Variants in XPC observed in about 807,000 individuals in gnomAD.
XPC encodes the protein XPC complex subunit, DNA damage recognition and repair factor.
A neutral mutation model predicts 95.8 loss-of-function variants in XPC; 76 were observed. The observed-to-expected ratio is 0.79, with a 90% CI of 0.66 to 0.96. XPC has a LOEUF of 0.96. Ranked by LOEUF, XPC falls within the 40% of genes least tolerant of loss-of-function variation. XPC has a pLI of 0.00. For missense variants in XPC, 1,146 were observed against 1,179.8 expected (o/e 0.97, Z 0.42); for synonymous variants, 442 against 442.1 (o/e 1.00, Z 0.00).
Position 14,150,674 on chromosome 3 carries a change from C to T in XPC, c.2115+1661G>A, listed in dbSNP as rs188444381. ...GGGAAGAGACAGAGCTACGACTCAGCGTGATGAGTACAGGGTGGAACAGGA... is the reference window on the plus strand; with the variant it reads ...GGGAAGAGACAGAGCTACGACTCAGTGTGATGAGTACAGGGTGGAACAGGA... On this transcript the variant is annotated intron_variant, in intron 11 of 15. Coordinates refer to ENST00000285021, the MANE Select transcript of XPC (RefSeq NM_004628.5). Among the ~76,000 whole-genome samples, 37 of 152,296 alleles carry T rather than the reference C, an allele frequency of 2.4e-4. 1 individual carries two copies. In the East Asian group the frequency reaches 6.0e-3, roughly 25 times the overall value.
intron 2 of XPC, among the ~76,000 whole-genome samples, chr3:14,172,154 A>G (rs1269883519): frequency 2.0e-5 from 3 of 152,194 alleles, no homozygotes; most frequent in African/African-American, 7.2e-5. Flanking sequence ...TTCATTGCAA[A>G]AATACTTGTT....
At chr3:14,171,329 T>TA (rs1456992082) in intron 2 of XPC, among the ~76,000 whole-genome samples, 1 of 152,220 alleles carries the variant, frequency 6.6e-6, no homozygotes, top group African/African-American at 2.4e-5. Flanking sequence ...ACTCTTTTTT[T>TA]AGAGTACCAC....
At chr3:14,154,530 A>AT (rs1392990982) in intron 10 of XPC, among the ~76,000 whole-genome samples, 1 of 152,220 alleles carries the variant, frequency 6.6e-6, no homozygotes, top group Middle Eastern at 3.2e-3. Flanking sequence ...TGCTAAGTGA[A>AT]ATAAGCCAGT....
intron 1 of XPC, among the ~76,000 whole-genome samples, chr3:14,177,672 A>C (rs921263732): frequency 3.3e-5 from 5 of 149,534 alleles, no homozygotes; most frequent in Non-Finnish European, 7.4e-5. Flanking sequence ...GCAATGGAAA[A>C]CCAAGGGGAG....
intron 5 of XPC, among the ~76,000 whole-genome samples, chr3:14,166,774 T>C (rs1696396857): frequency 6.6e-6 from 1 of 152,218 alleles, no homozygotes; most frequent in Admixed American, 6.5e-5. Flanking sequence ...AAATAAGCTT[T>C]ATCCAAGTCT....
intron 4 of XPC, 38 bp from the exon 5 acceptor site, chr3:14,167,291 G>A (rs760001837): frequency 5.7e-6 from 9 of 1,567,004 alleles, no homozygotes; most frequent in Non-Finnish European, 7.8e-6. Context: ...ATGAAGGGGG[G>A]AACTGAAACC....
rs376237400 is a variant in XPC at position 14,148,751 on chromosome 3, C to G, written c.2251-20G>C. The stretch of plus-strand genomic sequence containing the variant: ...GGGCACCTGTGTCGGGTGAGCAAGT[C>G]AGCATTTGGCCAGCAGGGGAACAAG... On this transcript the variant is annotated intron_variant, in intron 12 of 15. Transcript: ENST00000285021. 31 of 1,613,718 alleles carry G rather than the reference C, an allele frequency of 1.9e-5. No individual in the cohort carries two copies. The highest frequency in any genetic ancestry group is 2.6e-5 in the Non-Finnish European group (31 of 1,179,778).
Position 14,145,788 on chromosome 3 carries a change from G to A in XPC, c.*153C>T, listed in dbSNP as rs781292665. The A allele has an allele frequency of 9.3e-5, 88 of 946,642 alleles. No individual in the cohort carries two copies. The highest frequency in any genetic ancestry group is 2.6e-4 in the South Asian group (19 of 71,958). The allele number at this position is 946,642 out of a possible 1,614,324, so 58.6% of individuals were successfully genotyped here. A position where few individuals can be genotyped will look rare whatever the true frequency, so the allele number is the denominator to read the frequency against. On this transcript the variant is annotated 3_prime_UTR_variant, in exon 16 of 16. Transcript: ENST00000285021. ...TGCAGCACCTCCTCAGCTTGGCCTC[G>A]TCTCCCCTGACCCCGCCTCCGTGCA... is the stretch of plus-strand genomic sequence containing the variant.
chr3:14,151,082 G>A (rs1187054670), intron 11 of XPC, among the ~76,000 whole-genome samples: 2 of 152,080 alleles, frequency 1.3e-5, no homozygotes, highest in African/African-American at 2.4e-5. Flanking sequence ...CTGGGGTGGT[G>A]GGGATCAGAA....
chr3:14,152,463 A>G, intron 10 of XPC, 47 bp from the exon 11 acceptor site: 1 of 1,556,170 alleles, frequency 6.4e-7, no homozygotes, highest in Non-Finnish European at 8.7e-7. Flanking sequence ...CCACAGCCCC[A>G]CTGCGGGAAT....
intron 7 of XPC, among the ~76,000 whole-genome samples, chr3:14,160,442 G>C (rs1051761722): frequency 6.6e-6 from 1 of 152,178 alleles, no homozygotes; most frequent in South Asian, 2.1e-4. Flanking sequence ...TAATGTACTC[G>C]GCCAAGGCCT....
At chr3:14,147,151 G>A (rs1695472598) in intron 15 of XPC, 139 bp downstream of exon 15, 1 of 888,072 alleles carries the variant, frequency 1.1e-6, no homozygotes, top group East Asian at 2.6e-5. Flanking sequence ...AGCGGCCTTA[G>A]AGACAGAAGA....
intron 10 of XPC, 125 bp from the exon 11 acceptor site, chr3:14,152,541 G>T: frequency 1.2e-6 from 1 of 837,854 alleles, no homozygotes; most frequent in Non-Finnish European, 1.8e-6. Flanking sequence ...AGCAGGCCGA[G>T]CTCCTAGGGG....
At chr3:14,153,618 T>A (rs1420543059) in intron 10 of XPC, among the ~76,000 whole-genome samples, 1 of 152,280 alleles carries the variant, frequency 6.6e-6, no homozygotes, top group East Asian at 1.9e-4. Context: ...AAAATGACCA[T>A]AAATACCGTA....
intron 15 of XPC, among the ~76,000 whole-genome samples, 192 bp downstream of exon 15, chr3:14,147,098 G>A (rs1695470275): frequency 6.6e-6 from 1 of 152,214 alleles, no homozygotes; most frequent in Non-Finnish European, 1.5e-5. Flanking sequence ...AGAGCCAGCT[G>A]AGGCCTCACT....
intron 2 of XPC, among the ~76,000 whole-genome samples, chr3:14,170,785 C>A (rs940472454): frequency 3.3e-5 from 5 of 152,178 alleles, no homozygotes; most frequent in African/African-American, 1.2e-4. Context: ...AAAAAACCTA[C>A]AATCTAGATC....
At chr3:14,172,512 G>C (rs540166397) in intron 2 of XPC, among the ~76,000 whole-genome samples, 1 of 152,224 alleles carries the variant, frequency 6.6e-6, no homozygotes, top group African/African-American at 2.4e-5. Context: ...GGCCGGAGAA[G>C]AGCGTGCTTG....
chr3:14,147,338 G>A lies in XPC; in HGVS notation c.2556C>T (p.Ala852=). ...KRALGNWKLL[A]KGLLIRERLK... ...GCCTCTCCCTGATGAGCAGACCTTT[G>A]GCCAGCAACTTCCAGTTCCCTAGAG... is the stretch of plus-strand genomic sequence containing the variant. The change falls in exon 15 of 16, where the codon GCC becomes GCT. Residue 852 remains alanine, a synonymous_variant. Coordinates refer to ENST00000285021, the MANE Select transcript of XPC (RefSeq NM_004628.5). The A allele has an allele frequency of 1.9e-6, 3 of 1,611,936 alleles. No homozygotes were observed. The highest frequency in any genetic ancestry group is 2.5e-6 in the Non-Finnish European group (3 of 1,179,176).
intron 11 of XPC, 86 bp downstream of exon 11, chr3:14,152,249 C>T (rs1249354988): frequency 1.7e-6 from 2 of 1,177,024 alleles, no homozygotes; most frequent in Admixed American, 2.2e-5. Context: ...CTGGGAGGCT[C>T]ATCATCACTT....
Sources: allele counts gnomAD v4.1 joint callset (sites outside exome capture counted in the v4.1 genomes callset), GRCh38; gene constraint gnomAD v4.1.1; transcripts MANE v1.5; gene names NCBI Gene and HGNC (gene_info 2026-07-23, HGNC 2026-07-21).